RNASEH2B: variants seen among roughly 807,000 people sequenced by gnomAD.
RNASEH2B encodes ribonuclease H2 subunit B.
In RNASEH2B, 36 loss-of-function variants were observed where a neutral mutation model predicts 45.0. The ratio of observed to expected loss-of-function variants is 0.80; its 90% CI spans 0.61 to 1.06. The LOEUF is 1.06. Among genes scored for constraint, RNASEH2B ranks in the 50% least tolerant of loss-of-function variants. The pLI is 0.00. For missense variants in RNASEH2B, 361 were observed against 360.3 expected (o/e 1.00, Z -0.02); for synonymous variants, 119 against 125.7 (o/e 0.95, Z 0.35).
intron 4 of RNASEH2B, 88 bp from the exon 5 acceptor site, chr13:50,934,797 C>T (rs1396505129): frequency 7.7e-6 from 7 of 903,512 alleles, no homozygotes; most frequent in Middle Eastern, 2.7e-4. Context: ...TTTAAAGGCC[C>T]AGCCATGAGT....
chr13:50,934,783 TA>T, intron 4 of RNASEH2B, 101 bp from the exon 5 acceptor site: 1 of 816,520 alleles, frequency 1.2e-6, no homozygotes, highest in Non-Finnish European at 2.1e-6. Context: ...GCTTCTGCAC[TA>T]AGTTTAAAGG....
chr13:50,943,420 G>A, intron 6 of RNASEH2B, 26 bp downstream of exon 6: 1 of 1,513,208 alleles, frequency 6.6e-7, no homozygotes, highest in Non-Finnish European at 9.2e-7. Flanking sequence ...AGTGCCTTGT[G>A]GTAAAAGTAA....
At chr13:50,955,904 A>G (rs1952041031) in intron 10 of RNASEH2B, 1 of 162,148 alleles carries the variant, frequency 6.2e-6, no homozygotes, top group Non-Finnish European at 1.4e-5. Flanking sequence ...AACACAAGTC[A>G]TCTTTTGAAT....
At chr13:50,925,509 A>G (rs777870514) in intron 1 of RNASEH2B, among the ~76,000 whole-genome samples, 5 of 152,130 alleles carry the variant, frequency 3.3e-5, no homozygotes, top group Non-Finnish European at 7.4e-5. Flanking sequence ...GGATACTTTT[A>G]GGTCTTGCTT....
At chr13:50,920,499 A>G (rs1368540686) in intron 1 of RNASEH2B, among the ~76,000 whole-genome samples, 1 of 152,226 alleles carries the variant, frequency 6.6e-6, no homozygotes, top group Non-Finnish European at 1.5e-5. Context: ...AGCTTGAGAT[A>G]ATTGGGAAGT....
chr13:50,954,794 G>T (rs771032704), intron 10 of RNASEH2B: 1 of 152,144 alleles, frequency 6.6e-6, no homozygotes, highest in Non-Finnish European at 1.5e-5. Flanking sequence ...AGAAAGTTGT[G>T]CTTCCAAACA....
Position 50,934,910 on chromosome 13 carries a change from T to C in RNASEH2B, c.347T>C (p.Val116Ala), listed in dbSNP as rs1455175268. 6.2e-7 allele frequency: 1 copy of C among 1,613,630 alleles called. No homozygotes were observed. Among genetic ancestry groups the C allele is most frequent in the African/African-American group, 1.3e-5 (1 of 75,026 alleles). Residue 116 changes from valine (V) to alanine (A), a missense_variant, in exon 5 of 11, where the codon GTT becomes GCT. Transcript: ENST00000336617. ...GGGAAGTTTCAGCCCCTTGATCAAG[T>C]TGTGGTGGATAACGTGTTTCCAAAT... ...KEGKFQPLDQ[V>A]VVDNVFPNCI... is the part of the protein sequence containing the mutation.
At chr13:50,928,578 A>G (rs1951632561) in intron 2 of RNASEH2B, 1 of 152,246 alleles carries the variant, frequency 6.6e-6, no homozygotes, top group South Asian at 2.1e-4. Context: ...ACAGAGGAAC[A>G]AATGTTTTTA....
downstream of RNASEH2B, among the ~76,000 whole-genome samples, chr13:50,960,352 A>T (rs1042586215): frequency 6.6e-6 from 1 of 152,090 alleles, no homozygotes; most frequent in Admixed American, 6.5e-5. Flanking sequence ...TATATTTTAC[A>T]TTATATTACA....
At chr13:50,966,930 A>G (rs777389431) in intron 9 of RNASEH2B, among the ~76,000 whole-genome samples, 27 of 152,374 alleles carry the variant, frequency 1.8e-4, no homozygotes, top group Admixed American at 5.9e-4. Flanking sequence ...AGGACTTCAC[A>G]TCAACCATGT....
intron 5 of RNASEH2B, chr13:50,937,997 C>T (rs1951780511): frequency 6.6e-6 from 1 of 152,166 alleles, no homozygotes; most frequent in Admixed American, 6.5e-5. Flanking sequence ...GTACAACTGT[C>T]TTTATTCATA....
chr13:50,932,600 G>A (rs116393363), intron 4 of RNASEH2B, among the ~76,000 whole-genome samples: 1,532 of 152,262 alleles, frequency 0.01, 25 homozygotes, highest in African/African-American at 0.034. Flanking sequence ...AATGCAGATA[G>A]CGTCTTAGCA....
downstream of RNASEH2B, among the ~76,000 whole-genome samples, chr13:50,958,360 T>G (rs1218268856): frequency 4.6e-5 from 7 of 152,192 alleles, no homozygotes; most frequent in African/African-American, 1.4e-4. Flanking sequence ...CCTTTCCCCA[T>G]TGCTTATTTT....
At chr13:50,969,742 G>A (rs554238644) in intron 9 of RNASEH2B, among the ~76,000 whole-genome samples, 1 of 152,130 alleles carries the variant, frequency 6.6e-6, no homozygotes, top group African/African-American at 2.4e-5. Flanking sequence ...ATGAGATCTC[G>A]GAGGCTGGCC....
At chr13:50,912,559 C>G (rs1007725603) in intron 1 of RNASEH2B, 1 of 152,218 alleles carries the variant, frequency 6.6e-6, no homozygotes, top group Non-Finnish European at 1.5e-5. Context: ...GTGTGAGGCT[C>G]ATCTTCCCAG....
chr13:50,927,352 T>C (rs1951611815), intron 1 of RNASEH2B, 55 bp from the exon 2 acceptor site: 1 of 1,047,006 alleles, frequency 9.6e-7, no homozygotes. Context: ...TAAAGTAAGG[T>C]GAGCAACAAA....
At chr13:50,966,468 C>T (rs7331290) in intron 9 of RNASEH2B, among the ~76,000 whole-genome samples, 31,999 of 152,030 alleles carry the variant, frequency 0.21, 3,783 homozygotes, top group African/African-American at 0.32. Context: ...TGCAAAACCA[C>T]TTGGGTACAT....
intron 5 of RNASEH2B, chr13:50,942,763 GTTTGCTT>G (rs1951848169): frequency 6.6e-6 from 1 of 152,642 alleles, no homozygotes; most frequent in Non-Finnish European, 1.5e-5. Flanking sequence ...TGGGGGTACA[GTTTGCTT>G]TTATGTATTT....
rs113695025 is a variant in RNASEH2B at position 50,930,648 on chromosome 13, C to T, written c.245-35C>T. 2.0e-3 allele frequency: 2,889 copies of T among 1,447,858 alleles called. 45 individuals are homozygous for T. In the African/African-American group the frequency reaches 0.033, roughly 17 times the overall value. The allele number at this position is 1,447,858 out of a possible 1,614,324, so 89.7% of individuals were successfully genotyped here. On this transcript the variant is annotated intron_variant, in intron 3 of 10. Transcript: ENST00000336617. ...AAATAGCCACATTGTCTTTCCAAGA[C>T]GTTTAATTCCCTTCATCCTTTTTGT...
Sources: allele counts gnomAD v4.1 joint callset (sites outside exome capture counted in the v4.1 genomes callset), GRCh38; gene constraint gnomAD v4.1.1; transcripts MANE v1.5; gene names NCBI Gene and HGNC (gene_info 2026-07-23, HGNC 2026-07-21).